Variants in SCN10A observed in about 807,000 individuals in gnomAD.
SCN10A encodes sodium channel protein type 10 subunit alpha.
A neutral mutation model predicts 170.7 loss-of-function variants in SCN10A; 162 were observed. That is an observed-to-expected ratio of 0.95 (90% CI 0.84 to 1.08). The LOEUF (loss-of-function observed/expected upper bound fraction) is 1.08. Among genes scored for constraint, SCN10A ranks in the 50% least tolerant of loss-of-function variants. The probability of loss-of-function intolerance (pLI) is 0.00; values close to 1 mark genes in which losing one functional copy is unlikely to be tolerated. For synonymous variants in SCN10A, 985 were observed against 904.6 expected (o/e 1.09, Z -1.59); for missense variants, 2,527 against 2,436.9 (o/e 1.04, Z -0.78).
intron 8 of SCN10A, among the ~76,000 whole-genome samples, chr3:38,757,655 C>G (rs2063823547): frequency 6.6e-6 from 1 of 152,206 alleles, no homozygotes; most frequent in Admixed American, 6.5e-5. Flanking sequence ...ATAATTTAAT[C>G]ACTCAATGTT....
In SCN10A at chr3:38,794,632, G is replaced by A. The variant is rs143138384; in HGVS notation, c.-32-590C>T. Reference sequence around the variant, plus strand: ...TTTTCCCCATAACCAGATTAGACCTGTGGTCCACAATTTTGCCACTCCCTC... The same window carrying A: ...TTTTCCCCATAACCAGATTAGACCTATGGTCCACAATTTTGCCACTCCCTC... On this transcript the variant is annotated intron_variant, in intron 1 of 27. Transcript: ENST00000449082. Among the ~76,000 whole-genome samples, 8 of 152,230 alleles carry A rather than the reference G, an allele frequency of 5.3e-5. No individual in the cohort carries two copies. In the East Asian group the frequency reaches 1.5e-3, roughly 29 times the overall value.
intron 1 of SCN10A, among the ~76,000 whole-genome samples, chr3:38,797,077 G>T (rs1465084325): frequency 6.6e-6 from 1 of 152,000 alleles, no homozygotes; most frequent in Non-Finnish European, 1.5e-5. Flanking sequence ...GAACCAAAGA[G>T]ATTATTGAGT....
At chr3:38,731,627 C>T (rs913873504) in intron 15 of SCN10A, among the ~76,000 whole-genome samples, 5 of 152,194 alleles carry the variant, frequency 3.3e-5, no homozygotes, top group African/African-American at 1.2e-4. Context: ...GATGAAAAAA[C>T]AGGCTGAAAT....
At chr3:38,736,962 C>CTTTTTTT (rs2063567359) in intron 15 of SCN10A, among the ~76,000 whole-genome samples, 7 of 69,238 alleles carry the variant, frequency 1.0e-4, no homozygotes, top group African/African-American at 3.1e-4. Flanking sequence ...CAGAAATGTT[C>CTTTTTTT]GTTTTTTTTT....
At chr3:38,807,028 A>G (rs1218388150) in intron 1 of SCN10A, among the ~76,000 whole-genome samples, 2 of 152,152 alleles carry the variant, frequency 1.3e-5, no homozygotes, top group South Asian at 2.1e-4. Flanking sequence ...TCGTCCTATT[A>G]TATCCTTAAC....
intron 4 of SCN10A, among the ~76,000 whole-genome samples, chr3:38,775,097 A>G (rs1057039808): frequency 6.6e-6 from 1 of 152,224 alleles, no homozygotes; most frequent in African/African-American, 2.4e-5. Flanking sequence ...CATAATATAC[A>G]TAACATAAAA....
rs747872827 is a variant in SCN10A at position 38,771,354 on chromosome 3, C to T, written c.524G>A (p.Arg175Lys). The change falls in exon 5 of 28, where the codon AGA (arginine) becomes AAA (lysine). Residue 175 changes from arginine (R) to lysine (K), a missense_variant. Coordinates refer to ENST00000449082, the MANE Select transcript of SCN10A (RefSeq NM_006514.4). The stretch of plus-strand genomic sequence containing the variant: ...CGTGAACTCATTTAGACAAAATCCT[C>T]TTGCCAGTATCTTTATCAAGGCTTC... ...TFEALIKILA[R>K]GFCLNEFTYL... 9.3e-6 allele frequency: 15 copies of T among 1,614,140 alleles called. No homozygotes were observed. Among genetic ancestry groups the T allele is most frequent in the Non-Finnish European group, 1.2e-5 (14 of 1,179,988 alleles).
In SCN10A at chr3:38,726,793, G is replaced by T. The variant is rs2063460536; in HGVS notation, c.2900C>A (p.Ala967Asp). The change falls in exon 17 of 28, where the codon GCC (alanine) becomes GAC (aspartate). Residue 967 changes from alanine (A) to aspartate (D), a missense_variant. Physicochemically the swap from Ala to Asp is moderately radical, Grantham distance 126. Coordinates refer to ENST00000449082, the MANE Select transcript of SCN10A (RefSeq NM_006514.4). ...KAENHIAANT[A>D]RGSSGGLQAP... ...TTGGAGCCCTCCAGAGCTCCCCCTG[G>T]CAGTGTTGGCAGCAATGTGGTTCTC... The T allele has an allele frequency of 1.9e-6, 3 of 1,611,322 alleles. No individual in the cohort carries two copies. The highest frequency in any genetic ancestry group is 1.6e-4 in the Middle Eastern group (1 of 6,076).
chr3:38,736,962 C>CGTTTTTTTTTTTTTT (rs2063568157), intron 15 of SCN10A, among the ~76,000 whole-genome samples: 5 of 69,254 alleles, frequency 7.2e-5, no homozygotes, highest in Admixed American at 1.5e-4. Context: ...CAGAAATGTT[C>CGTTTTTTTTTTTTTT]GTTTTTTTTT....
chr3:38,725,074 C>T (rs1275231481), intron 18 of SCN10A, 100 bp downstream of exon 18: 22 of 1,185,218 alleles, frequency 1.9e-5, no homozygotes, highest in Non-Finnish European at 9.3e-6. Flanking sequence ...TGAGTGCAGT[C>T]TGGAATACCC....
In SCN10A at chr3:38,697,367, C is replaced by G; in HGVS notation, c.5853G>C (p.Leu1951=). ...QNEDEATSME[L]IAPGP The stretch of plus-strand genomic sequence containing the variant: ...GTTCTCACTAGGGCCCAGGGGCAAT[C>G]AGCTCCATACTGGTGGCTTCATCTT... The change falls in exon 28 of 28, where the codon CTG becomes CTC. Residue 1951 remains leucine, a synonymous_variant. Coordinates refer to ENST00000449082, the MANE Select transcript of SCN10A (RefSeq NM_006514.4). 1 of 1,613,800 alleles carries G rather than the reference C, an allele frequency of 6.2e-7. No homozygotes were observed. Among genetic ancestry groups the G allele is most frequent in the Non-Finnish European group, 8.5e-7 (1 of 1,179,712 alleles).
intron 7 of SCN10A, 143 bp from the exon 8 acceptor site, chr3:38,760,890 G>A (rs945213350): frequency 1.5e-6 from 1 of 680,544 alleles, no homozygotes; most frequent in African/African-American, 1.8e-5. Flanking sequence ...GGGCCACATG[G>A]AAGTTGTAAA....
At chr3:38,759,210 T>C (rs540292319) in intron 8 of SCN10A, among the ~76,000 whole-genome samples, 18 of 152,282 alleles carry the variant, frequency 1.2e-4, no homozygotes, top group Admixed American at 4.6e-4. Context: ...TTGTGAGCTC[T>C]GCTTTTCCAA....
At chr3:38,791,031 C>A (rs1383361839) in intron 3 of SCN10A, among the ~76,000 whole-genome samples, 1 of 152,146 alleles carries the variant, frequency 6.6e-6, no homozygotes, top group Non-Finnish European at 1.5e-5. Flanking sequence ...ATGACTGTGC[C>A]AAGGTTACCA....
At chr3:38,742,659 C>T in intron 13 of SCN10A, 130 bp from the exon 14 acceptor site, 1 of 723,458 alleles carries the variant, frequency 1.4e-6, no homozygotes, top group Non-Finnish European at 2.5e-6. Context: ...AGCCCTCTCT[C>T]TGTCTCTGGT....
intron 15 of SCN10A, among the ~76,000 whole-genome samples, chr3:38,731,803 C>T (rs1470995236): frequency 6.6e-6 from 1 of 152,192 alleles, no homozygotes; most frequent in Non-Finnish European, 1.5e-5. Context: ...CTCTCCAAAC[C>T]TCCCCTTTCC....
chr3:38,773,581 T>C (rs948862930), intron 4 of SCN10A, among the ~76,000 whole-genome samples: 1 of 152,020 alleles, frequency 6.6e-6, no homozygotes, highest in African/African-American at 2.4e-5. Flanking sequence ...GGGAACAAAT[T>C]AGGGATAAAT....
rs761730085 is a variant in SCN10A at position 38,757,021 on chromosome 3, C to A, written c.1089G>T (p.Gln363His). ...GTGGGGGAATGCAGCTCAGTACCTG[C>A]TGGTAGAGGCGTTCCCAGGAATCCT... ...MTQDSWERLY[Q>H]QTLRTSGKIY... Residue 363 changes from glutamine (Q) to histidine (H), a missense_variant, in exon 9 of 28, where the codon CAG (glutamine) becomes CAT (histidine). Transcript: ENST00000449082. The A allele has an allele frequency of 6.2e-7, 1 of 1,609,126 alleles. No homozygotes were observed. The highest frequency in any genetic ancestry group is 1.1e-5 in the South Asian group (1 of 90,002).
intron 26 of SCN10A, among the ~76,000 whole-genome samples, chr3:38,705,501 C>T (rs938896181): frequency 1.3e-5 from 2 of 152,200 alleles, no homozygotes; most frequent in Non-Finnish European, 2.9e-5. Context: ...ACCATCAACT[C>T]CGTCTCCCAC....
Sources: gnomAD v4.1 joint callset for allele counts (sites outside exome capture counted in the v4.1 genomes callset) on GRCh38, gnomAD v4.1.1 for gene constraint, MANE v1.5 for transcripts, NCBI Gene and HGNC (gene_info 2026-07-23, HGNC 2026-07-21) for gene names.